The following RETREG1 variants were observed in gnomAD, a reference collection of about 807,000 sequenced individuals.
The protein encoded by RETREG1 is family with sequence similarity 134 member B.
RETREG1 carries 44 observed loss-of-function variants against 54.8 expected under a neutral mutation model. That is an observed-to-expected ratio of 0.80 (90% CI 0.63 to 1.03). The LOEUF (loss-of-function observed/expected upper bound fraction) is 1.03. RETREG1 is among the 50% of genes least tolerant of loss of function. The pLI is 0.00. For synonymous variants in RETREG1, 217 were observed against 238.5 expected (o/e 0.91, Z 0.83); for missense variants, 554 against 605.1 (o/e 0.92, Z 0.89).
intron 3 of RETREG1, among the ~76,000 whole-genome samples, chr5:16,551,581 C>A (rs1354506294): frequency 6.6e-6 from 1 of 152,140 alleles, no homozygotes; most frequent in Non-Finnish European, 1.5e-5. Context: ...GTCACTCTAG[C>A]CCTCCTTGTT....
At chr5:16,565,626 AT>A in intron 3 of RETREG1, 136 bp downstream of exon 3, 1 of 948,338 alleles carries the variant, frequency 1.1e-6, no homozygotes, top group Non-Finnish European at 1.7e-6. Context: ...ATTTTTCTTC[AT>A]TTTCCCACTC....
At chr5:16,599,386 C>T (rs533083117) in intron 1 of RETREG1, among the ~76,000 whole-genome samples, 13 of 152,208 alleles carry the variant, frequency 8.5e-5, no homozygotes, top group Admixed American at 5.2e-4. Context: ...ATTATCATCA[C>T]GCCAATTTTT....
chr5:16,587,450 T>C (rs971732298), intron 1 of RETREG1, among the ~76,000 whole-genome samples: 1 of 152,212 alleles, frequency 6.6e-6, no homozygotes, highest in Non-Finnish European at 1.5e-5. Flanking sequence ...TTAAACATCA[T>C]TTGTAGAGTT....
rs536189542 is a variant in RETREG1, at chr5:16,525,834, G to T, written c.458+39929C>A. Among the ~76,000 whole-genome samples, 11 of 152,240 alleles carry T rather than the reference G, an allele frequency of 7.2e-5. No homozygotes were observed. In the East Asian group the frequency reaches 1.7e-3, roughly 24 times the overall value. On this transcript the variant is annotated intron_variant, in intron 3 of 8. Transcript: ENST00000306320. The stretch of plus-strand genomic sequence containing the variant: ...ACTATGAGGGCCTGAAGTCTGCACG[G>T]TAGGCCAACGGGCTGAAAATTCCAT...
intron 3 of RETREG1, among the ~76,000 whole-genome samples, chr5:16,496,482 CA>C (rs1739463479): frequency 6.6e-6 from 1 of 152,182 alleles, no homozygotes; most frequent in Non-Finnish European, 1.5e-5. Context: ...TCATGGCCTG[CA>C]AGTTGCCTGT....
intron 3 of RETREG1, among the ~76,000 whole-genome samples, chr5:16,543,335 G>A (rs894505161): frequency 6.6e-6 from 1 of 152,120 alleles, no homozygotes; most frequent in African/African-American, 2.4e-5. Context: ...TCTAAGAGAG[G>A]AAGTTGTTGA....
chr5:16,592,627 T>C (rs1030228195), intron 1 of RETREG1, among the ~76,000 whole-genome samples: 1 of 152,034 alleles, frequency 6.6e-6, no homozygotes, highest in African/African-American at 2.4e-5. Flanking sequence ...GCACTCACAA[T>C]AGCAAAGACA....
At chr5:16,490,819 G>T (rs1426412633) in intron 3 of RETREG1, among the ~76,000 whole-genome samples, 1 of 152,180 alleles carries the variant, frequency 6.6e-6, no homozygotes, top group Admixed American at 6.5e-5. Flanking sequence ...GATGAGTAGG[G>T]AAGCACATTA....
intron 3 of RETREG1, among the ~76,000 whole-genome samples, chr5:16,527,059 A>G (rs564577391): frequency 5.3e-5 from 8 of 152,352 alleles, no homozygotes; most frequent in African/African-American, 1.9e-4. Flanking sequence ...CGCCTGCATC[A>G]CAGCTCAGCT....
intron 3 of RETREG1, among the ~76,000 whole-genome samples, chr5:16,522,667 C>A (rs999709129): frequency 2.0e-5 from 3 of 152,172 alleles, no homozygotes; most frequent in Admixed American, 2.0e-4. Flanking sequence ...GCCCCCTCTT[C>A]TATGGACATA....
chr5:16,562,378 G>A (rs1218881192), intron 3 of RETREG1, among the ~76,000 whole-genome samples: 2 of 152,184 alleles, frequency 1.3e-5, no homozygotes, highest in African/African-American at 4.8e-5. Flanking sequence ...CAGGATATCT[G>A]TGGTGGGCAG....
chr5:16,510,176 C>A (rs1355062230), intron 3 of RETREG1, among the ~76,000 whole-genome samples: 1 of 152,126 alleles, frequency 6.6e-6, no homozygotes, highest in Admixed American at 6.5e-5. Context: ...TATCTGCTTT[C>A]TTTTGGATAG....
intron 4 of RETREG1, among the ~76,000 whole-genome samples, chr5:16,481,322 C>T (rs777982750): frequency 7.2e-5 from 11 of 152,082 alleles, no homozygotes; most frequent in Non-Finnish European, 1.5e-4. Flanking sequence ...TTTGAGGACA[C>T]AGGAGCTAAT....
chr5:16,512,005 C>T (rs1028058396), intron 3 of RETREG1, among the ~76,000 whole-genome samples: 8 of 152,162 alleles, frequency 5.3e-5, no homozygotes, highest in African/African-American at 1.9e-4. Context: ...AAAACAAGGA[C>T]AGTACAGACA....
At chr5:16,514,511 T>C (rs1740282746) in intron 3 of RETREG1, among the ~76,000 whole-genome samples, 1 of 152,234 alleles carries the variant, frequency 6.6e-6, no homozygotes, top group Non-Finnish European at 1.5e-5. Flanking sequence ...AATGTTTCTA[T>C]CTTATTTTGA....
intron 1 of RETREG1, among the ~76,000 whole-genome samples, chr5:16,582,987 A>G (rs1742531261): frequency 6.6e-6 from 1 of 152,014 alleles, no homozygotes; most frequent in Admixed American, 6.6e-5. Flanking sequence ...CCATACCCAC[A>G]TGGAGCTCTA....
chr5:16,560,517 T>A (rs961994160), intron 3 of RETREG1, among the ~76,000 whole-genome samples: 10 of 152,214 alleles, frequency 6.6e-5, no homozygotes, highest in Non-Finnish European at 1.5e-5. Flanking sequence ...TATCCTGAGA[T>A]CTAGCCCAAT....
At position 16,475,023 on chromosome 5, in the gene RETREG1, T is replaced by C; in HGVS notation, c.1212A>G (p.Gln404=). The change falls in exon 9 of 9, where the codon CAA becomes CAG. Residue 404 remains glutamine (Q), a synonymous_variant. Coordinates refer to ENST00000306320, the MANE Select transcript of RETREG1 (RefSeq NM_001034850.3). ...CCAGGTTGCTCATCAGGTGAAAGGT[T>C]TGGTCACTGTTCAGAGGAAGGGTGA... The part of the protein sequence containing the change: ...AGLTLPLNSD[Q]TFHLMSNLAG... 1.9e-6 allele frequency: 3 copies of C among 1,613,738 alleles called. No individual in the cohort carries two copies. Among genetic ancestry groups the C allele is most frequent in the South Asian group, 1.1e-5 (1 of 91,066 alleles).
At position 16,568,567 on chromosome 5, in the gene RETREG1, G is replaced by T. The variant is rs113944690; in HGVS notation, c.428-2774C>A. Among the ~76,000 whole-genome samples, 1,033 of 152,300 alleles carry T rather than the reference G, an allele frequency of 6.8e-3. 7 individuals carry two copies. The highest frequency in any genetic ancestry group is 0.024 in the African/African-American group (987 of 41,568). ...AGGTCATGCGGAGGCATGAGCCACT[G>T]CACCCGGCCTCATCCATCTATTTCA... On this transcript the variant is annotated intron_variant, in intron 2 of 8. Transcript: ENST00000306320.
Sources: gnomAD v4.1 joint callset for allele counts (sites outside exome capture counted in the v4.1 genomes callset) on GRCh38, gnomAD v4.1.1 for gene constraint, MANE v1.5 for transcripts, NCBI Gene and HGNC (gene_info 2026-07-23, HGNC 2026-07-21) for gene names.